SLC4A1: variants seen among roughly 807,000 people sequenced by gnomAD.
SLC4A1 encodes the protein solute carrier family 4 member 1 (Diego blood group).
SLC4A1 carries 29 observed loss-of-function variants against 93.1 expected under a neutral mutation model. The observed-to-expected ratio is 0.31, with a 90% CI of 0.23 to 0.42. The LOEUF is 0.42. SLC4A1 is among the 20% of genes least tolerant of loss of function. The pLI is 1.00. For synonymous variants in SLC4A1, 469 were observed against 497.2 expected, an observed-to-expected ratio of 0.94 and a Z score of 0.76; for missense variants, 965 against 1,190.1, an observed-to-expected ratio of 0.81 and a Z score of 2.78.
At chr17:44,259,966 G>A (rs1598301504) in intron 6 of SLC4A1, 34 bp from the exon 7 acceptor site, 2 of 1,611,292 alleles carry the variant, frequency 1.2e-6, no homozygotes, top group East Asian at 2.2e-5. Context: ...GGCTGAGTAA[G>A]CTGTTCAGGC....
intron 1 of SLC4A1, among the ~76,000 whole-genome samples, chr17:44,264,489 C>T (rs570441486): frequency 6.6e-6 from 1 of 152,126 alleles, no homozygotes; most frequent in African/African-American, 2.4e-5. Context: ...AAAACCAATA[C>T]GTGGTTTCTT....
chr17:44,255,266 G>A lies in SLC4A1; in HGVS notation c.1831C>T (p.Pro611Ser), dbSNP rs993990444. 3.9e-6 allele frequency: 6 copies of A among 1,557,778 alleles called. No individual in the cohort carries two copies. The highest frequency in any genetic ancestry group is 5.2e-6 in the Non-Finnish European group (6 of 1,150,082). Residue 611 changes from proline (P) to serine (S), a missense_variant, in exon 15 of 20, where the codon CCC becomes TCC. Around this residue, in one of 2 missense-constraint regions of SLC4A1, gnomAD observed 770 missense variants for 1,006.6 expected, o/e 0.76. Transcript: ENST00000262418. ...AGGACCATGATCAGGATGGAGATGG[G>A]GACCCCGAAGTCCCCGATGACCCGA... The part of the protein sequence containing the change: ...LRRVIGDFGV[P>S]ISILIMVLVD...
rs1405585474 is a variant in SLC4A1, at chr17:44,258,574, T to C, written c.926A>G (p.His309Arg). Residue 309 changes from histidine to arginine, a missense_variant, in exon 10 of 20, where the codon CAC becomes CGC. Physicochemically the swap from His to Arg is conservative, Grantham distance 29. Transcript: ENST00000262418. This position sits in a 1 kb window ranked among gnomAD's most constrained non-coding sequence, Gnocchi z 6.1. ...YMAQSRGELL[H>R]SLEGFLDCSL... ...GCAGTCCAGGAAGCCCTCTAGGGAG[T>C]GCAGCAGCTCCCCTCGGCTCTGAGC... is the stretch of plus-strand genomic sequence containing the variant. 2 of 1,612,436 alleles carry C rather than the reference T, an allele frequency of 1.2e-6. No homozygotes were observed. Among genetic ancestry groups the C allele is most frequent in the South Asian group, 2.2e-5 (2 of 91,012 alleles).
At chr17:44,263,002 G>C in intron 1 of SLC4A1, 68 bp from the exon 2 acceptor site, 4 of 1,319,986 alleles carry the variant, frequency 3.0e-6, no homozygotes, top group Non-Finnish European at 4.3e-6. Flanking sequence ...TCCTCCAGAG[G>C]GGGCCACATG....
Position 44,250,440 on chromosome 17 carries a change from AGGGCCT to A in SLC4A1, c.*12_*17del, listed in dbSNP as rs886038284. The A allele has an allele frequency of 1.9e-6, 3 of 1,596,134 alleles. No homozygotes were observed. The East Asian group carries it at 6.7e-5, about 36-fold the overall frequency. ...GATGTGGAATGGTGGGGGAGGGTCT[AGGGCCT>A]GGGCCCGCCCCTCACACAGGCATGG... is the stretch of plus-strand genomic sequence containing the variant. On this transcript the variant is annotated 3_prime_UTR_variant, in exon 20 of 20. Transcript: ENST00000262418.
At chr17:44,265,935 G>A (rs1367718353) in intron 1 of SLC4A1, among the ~76,000 whole-genome samples, 1 of 151,294 alleles carries the variant, frequency 6.6e-6, no homozygotes, top group Non-Finnish European at 1.5e-5. Context: ...AACCGAGATT[G>A]CGCCACTGCA....
Position 44,257,442 on chromosome 17 carries a change from G to A in SLC4A1, c.1534C>T (p.Leu512=). ...VLVVAFEGSF[L]VRFISRYTQE... ...GTATAGCGGGAGATGAAGCGGACCA[G>A]GAAGCTACCCTCGAAGGCCACCACC... is the stretch of plus-strand genomic sequence containing the variant. Residue 512 remains leucine (L), a synonymous_variant, in exon 13 of 20, where the codon CTG becomes TTG. Transcript: ENST00000262418. 6.2e-7 allele frequency: 1 copy of A among 1,614,112 alleles called. No homozygotes were observed. The highest frequency in any genetic ancestry group is 8.5e-7 in the Non-Finnish European group (1 of 1,180,024).
chr17:44,260,771 C>T lies in SLC4A1; in HGVS notation c.213G>A (p.Gln71=). Reference sequence around the variant, plus strand: ...GCGCCGCCTCCATCCATCTCAGCTCCTGGTTCTTTTCGTCCATCACCAGCT... The same window carrying T: ...GCGCCGCCTCCATCCATCTCAGCTCTTGGTTCTTTTCGTCCATCACCAGCT... The part of the protein sequence containing the change: ...LQELVMDEKN[Q]ELRWMEAARW... Residue 71 remains glutamine, a synonymous_variant, in exon 5 of 20, where the codon CAG becomes CAA. Coordinates refer to ENST00000262418, the MANE Select transcript of SLC4A1 (RefSeq NM_000342.4). 6.2e-7 allele frequency: 1 copy of T among 1,613,944 alleles called. No homozygotes were observed. Among genetic ancestry groups the T allele is most frequent in the Non-Finnish European group, 8.5e-7 (1 of 1,180,038 alleles).
rs766323676 is a variant in SLC4A1 at position 44,257,752 on chromosome 17, C to A, written c.1338G>T (p.Val446=). ...GVSELLISTA[V]QGILFALLGA... Reference sequence around the variant, plus strand: ...CCAGCAGGGCGAAGAGAATGCCCTGCACTGCAGTGGAGATCAGCAGCTCCG... The same window carrying A: ...CCAGCAGGGCGAAGAGAATGCCCTGAACTGCAGTGGAGATCAGCAGCTCCG... Residue 446 remains valine, a synonymous_variant, in exon 12 of 20, where the codon GTG becomes GTT. Coordinates refer to ENST00000262418, the MANE Select transcript of SLC4A1 (RefSeq NM_000342.4). 6.2e-7 allele frequency: 1 copy of A among 1,613,974 alleles called. No homozygotes were observed. The highest frequency in any genetic ancestry group is 8.5e-7 in the Non-Finnish European group (1 of 1,180,014).
intron 1 of SLC4A1, among the ~76,000 whole-genome samples, chr17:44,267,149 T>A (rs917213335): frequency 2.0e-5 from 3 of 152,158 alleles, no homozygotes; most frequent in African/African-American, 7.2e-5. Context: ...TCCAGCCACA[T>A]CCCTAAGCAC....
At chr17:44,254,747 C>T (rs539150676) in intron 15 of SLC4A1, 85 bp from the exon 16 acceptor site, 24 of 1,348,598 alleles carry the variant, frequency 1.8e-5, no homozygotes, top group South Asian at 3.7e-5. Context: ...TCCTAGGGGT[C>T]GGGCAGTTAG....
chr17:44,260,040 T>C, intron 6 of SLC4A1, 108 bp from the exon 7 acceptor site: 9 of 1,442,932 alleles, frequency 6.2e-6, no homozygotes, highest in South Asian at 3.4e-5. Flanking sequence ...ACATCAAGGG[T>C]AGACATCTGG....
intron 3 of SLC4A1, chr17:44,261,903 G>C: frequency 1.9e-6 from 2 of 1,042,054 alleles, no homozygotes; most frequent in East Asian, 6.7e-5. Context: ...CCCCTCCGCA[G>C]TGATGAAGTG....
rs55755789 is a variant in SLC4A1, at chr17:44,262,587, G to C, written c.106+49C>G. On this transcript the variant is annotated intron_variant, in intron 3 of 19. Transcript: ENST00000262418. ...GAGGACAAGTGCCCCTCCTGTCCCTGTCTAGGGCTCAGCAGCTCATCCCAG... is the reference window on the plus strand; with the variant it reads ...GAGGACAAGTGCCCCTCCTGTCCCTCTCTAGGGCTCAGCAGCTCATCCCAG... The C allele has an allele frequency of 1.1e-3, 1,595 of 1,433,104 alleles. 21 individuals carry two copies. In the African/African-American group the frequency reaches 0.02, roughly 18 times the overall value. The allele number at this position is 1,433,104 out of a possible 1,614,324, so 88.8% of individuals were successfully genotyped here. A position where few individuals can be genotyped will look rare whatever the true frequency, so the allele number is the denominator to read the frequency against.
Position 44,251,307 on chromosome 17 carries a change from A to T in SLC4A1, c.2507T>A (p.Phe836Tyr), listed in dbSNP as rs2047337202. Residue 836 changes from phenylalanine to tyrosine, a missense_variant, in exon 19 of 20, where the codon TTC (phenylalanine) becomes TAC (tyrosine). By Grantham distance (22) the Phe-to-Tyr change is conservative. Transcript: ENST00000262418. ...KRVKTWRMHL[F>Y]TGIQIICLAV... ...CAGGCAGATGATCTGGATGCCCGTG[A>T]ATAAGTGCATGCGCCAGGTCTTCAC... The T allele has an allele frequency of 6.2e-7, 1 of 1,614,080 alleles. No homozygotes were observed. Among genetic ancestry groups the T allele is most frequent in the African/African-American group, 1.3e-5 (1 of 74,926 alleles).
Position 44,250,156 on chromosome 17 carries a change from A to C in SLC4A1, c.*302T>G. The C allele has an allele frequency of 1.2e-5, 5 of 405,492 alleles. No individual in the cohort carries two copies. The highest frequency in any genetic ancestry group is 5.2e-5 in the East Asian group (1 of 19,182). 25.1% of individuals were successfully genotyped at this position (405,492 alleles called of 1,614,324 possible). On this transcript the variant is annotated 3_prime_UTR_variant, in exon 20 of 20. Transcript: ENST00000262418. ...GCTTCTACCCCTGCCTGTGCTGGGA[A>C]GAGGGAGGGCTCAGATCTAAGTCTT...
rs760372365 is a variant in SLC4A1 at position 44,253,098 on chromosome 17, G to A, written c.2311+20C>T. ...TGAGGGGCAGGAGGATGGTGAAGAC[G>A]CGACCCAGCTTTCACTCACCCACAA... On this transcript the variant is annotated intron_variant, in intron 17 of 19. Transcript: ENST00000262418. 15 of 1,606,706 alleles carry A rather than the reference G, an allele frequency of 9.3e-6. No homozygotes were observed. The highest frequency in any genetic ancestry group is 2.2e-5 in the South Asian group (2 of 91,078).
intron 13 of SLC4A1, among the ~76,000 whole-genome samples, chr17:44,256,402 G>A (rs1370227441): frequency 1.3e-5 from 2 of 152,214 alleles, no homozygotes; most frequent in African/African-American, 2.4e-5. Flanking sequence ...ACAAGGGTCA[G>A]GGAAGTTTCT....
chr17:44,259,887 G>T lies in SLC4A1; in HGVS notation c.531C>A (p.Val177=). The T allele has an allele frequency of 1.2e-6, 2 of 1,614,056 alleles. No individual in the cohort carries two copies. Among genetic ancestry groups the T allele is most frequent in the Non-Finnish European group, 1.7e-6 (2 of 1,180,012 alleles). Residue 177 remains valine (V), a synonymous_variant, in exon 7 of 20, where the codon GTC becomes GTA. Coordinates refer to ENST00000262418, the MANE Select transcript of SLC4A1 (RefSeq NM_000342.4). ...GTGAAGGATCCCCAGAGCGTGTCAG[G>T]ACTGCAGGCTTCACACCCCCCAGGG... The part of the protein sequence containing the change: ...LEALGGVKPA[V]LTRSGDPSQP...
Sources: gnomAD v4.1 joint callset for allele counts (sites outside exome capture counted in the v4.1 genomes callset) on GRCh38, gnomAD v4.1.1 for gene constraint, gnomAD v4.1.1 regional missense constraint, Gnocchi (gnomAD v3.1) non-coding constraint, MANE v1.5 for transcripts, NCBI Gene and HGNC (gene_info 2026-07-23, HGNC 2026-07-21) for gene names.